Variants in ABCC9 observed in about 807,000 individuals in gnomAD.
ABCC9 encodes the protein ATP-binding cassette sub-family C member 9.
Under a neutral mutation model 188.3 loss-of-function variants are expected in ABCC9, and 95 were observed. The ratio of observed to expected loss-of-function variants is 0.50; its 90% CI spans 0.43 to 0.60. The LOEUF (loss-of-function observed/expected upper bound fraction) is 0.60. ABCC9 is among the 20% of genes least tolerant of loss of function. The pLI is 0.00. For synonymous variants in ABCC9, 659 were observed against 652.7 expected, an observed-to-expected ratio of 1.01 and a Z score of -0.15; for missense variants, 1,102 against 1,876.3, an observed-to-expected ratio of 0.59 and a Z score of 7.62.
In ABCC9 at chr12:21,871,598, C is replaced by T. The variant is rs576192764; in HGVS notation, c.2198+1027G>A. On this transcript the variant is annotated intron_variant, in intron 18 of 39. Transcript: ENST00000261200. ...TGTGTATGTAAACAGCAAACTCAGC[C>T]ACGGTGGAATTCATGATAGTAGATA... Among the ~76,000 whole-genome samples, 22 of 152,218 alleles carry T rather than the reference C, an allele frequency of 1.4e-4. No homozygotes were observed. The South Asian group carries it at 4.1e-3, about 29-fold the overall frequency.
intron 37 of ABCC9, among the ~76,000 whole-genome samples, chr12:21,808,792 A>G (rs10841895): frequency 0.15 from 22,317 of 150,644 alleles, 2,117 homozygotes; most frequent in Middle Eastern, 0.32. Context: ...AAAAAAAAAA[A>G]AAAAAAAGAA....
chr12:21,905,419 A>T (rs1286879942), intron 12 of ABCC9, among the ~76,000 whole-genome samples: 2 of 152,090 alleles, frequency 1.3e-5, no homozygotes, highest in Admixed American at 1.3e-4. Context: ...ATAATTAAAA[A>T]AAAAAAGAAT....
chr12:21,864,297 C>T (rs1366560446), intron 19 of ABCC9, 142 bp downstream of exon 19: 7 of 633,692 alleles, frequency 1.1e-5, no homozygotes, highest in Non-Finnish European at 1.6e-5. Context: ...GTCAAGGTTG[C>T]GAACCACTGC....
intron 12 of ABCC9, among the ~76,000 whole-genome samples, chr12:21,896,104 T>TTTTTTTTTTTTTTTTTTA (rs1947401923): frequency 4.6e-5 from 2 of 43,694 alleles, no homozygotes; most frequent in African/African-American, 6.4e-5. Context: ...TTTTTACTTT[T>TTTTTTTTTTTTTTTTTTA]CTTTTTTTTT....
At chr12:21,834,154 T>G (rs766974715) in intron 30 of ABCC9, among the ~76,000 whole-genome samples, 1 of 152,212 alleles carries the variant, frequency 6.6e-6, no homozygotes, top group South Asian at 2.1e-4. Context: ...TTCCTTTTTA[T>G]TCTTCTTTTA....
intron 30 of ABCC9, among the ~76,000 whole-genome samples, chr12:21,832,230 G>A (rs1449112017): frequency 2.0e-5 from 3 of 152,154 alleles, no homozygotes; most frequent in African/African-American, 4.8e-5. Flanking sequence ...TGATGCTTTC[G>A]TGGTAAACTA....
chr12:21,936,400 A>G, intron 3 of ABCC9, 133 bp downstream of exon 3: 1 of 811,794 alleles, frequency 1.2e-6, no homozygotes, highest in Non-Finnish European at 1.9e-6. Flanking sequence ...AAAACACAAA[A>G]TACTTGCTTG....
At chr12:21,832,675 C>T (rs1362477592) in intron 30 of ABCC9, among the ~76,000 whole-genome samples, 1 of 151,582 alleles carries the variant, frequency 6.6e-6, no homozygotes, top group Non-Finnish European at 1.5e-5. Context: ...CTGCTAGTGG[C>T]AATGTAAACC....
At position 21,844,515 on chromosome 12, in the gene ABCC9, G is replaced by A. The variant is rs752450127; in HGVS notation, c.3283C>T (p.Arg1095Cys). 19 of 1,613,602 alleles carry A rather than the reference G, an allele frequency of 1.2e-5. No individual in the cohort carries two copies. The highest frequency in any genetic ancestry group is 3.3e-5 in the Admixed American group (2 of 59,982). ...DTTPLGLILN[R>C]FSADTNIIDQ... ...ATGATATTAGTATCAGCTGAAAAGCGATTGAGAATCAGTCCCAGGGGTGTG... is the reference window on the plus strand; with the variant it reads ...ATGATATTAGTATCAGCTGAAAAGCAATTGAGAATCAGTCCCAGGGGTGTG... Residue 1095 changes from arginine to cysteine, a missense_variant, in exon 28 of 40, where the codon CGC (arginine) becomes TGC (cysteine). Transcript: ENST00000261200.
At chr12:21,814,849 G>C in intron 34 of ABCC9, 127 bp from the exon 35 acceptor site, 1 of 777,928 alleles carries the variant, frequency 1.3e-6, no homozygotes, top group South Asian at 1.6e-5. Context: ...TTACATTATA[G>C]TTATCATTTT....
At chr12:21,915,476 A>ATG (rs1565481329) in intron 7 of ABCC9, among the ~76,000 whole-genome samples, 192 bp downstream of exon 7, 109 of 8,146 alleles carry the variant, frequency 0.013, 3 homozygotes, top group Admixed American at 0.023. Context: ...GTGTGTGTAT[A>ATG]TATGTGTGTG....
At position 21,925,908 on chromosome 12, in the gene ABCC9, T is replaced by C. The variant is rs760284477; in HGVS notation, c.406+34A>G. 1.4e-5 allele frequency: 22 copies of C among 1,596,060 alleles called. No individual in the cohort carries two copies. In the Admixed American group the frequency reaches 2.5e-4, roughly 18 times the overall value. On this transcript the variant is annotated intron_variant, in intron 5 of 39. Transcript: ENST00000261200. ...CTTTGGGGGGAAAAACAAATATCTC[T>C]TTAAGGAGAAACAACAAAAGTGATC...
At chr12:21,825,726 G>A (rs1475367400) in intron 31 of ABCC9, among the ~76,000 whole-genome samples, 1 of 151,982 alleles carries the variant, frequency 6.6e-6, no homozygotes, top group Non-Finnish European at 1.5e-5. Context: ...AAACCACCAT[G>A]GCATGCGTAT....
intron 16 of ABCC9, among the ~76,000 whole-genome samples, chr12:21,881,563 G>A (rs896714922): frequency 2.6e-5 from 4 of 152,068 alleles, no homozygotes; most frequent in African/African-American, 9.7e-5. Context: ...AACTGGCCCT[G>A]TTTTTTATTC....
intron 7 of ABCC9, among the ~76,000 whole-genome samples, chr12:21,914,112 T>C (rs1330643463): frequency 4.6e-5 from 7 of 152,186 alleles, no homozygotes; most frequent in Admixed American, 3.9e-4. Context: ...TCATAACACA[T>C]ATTTCTGACA....
chr12:21,832,616 T>TAA (rs371263458), intron 30 of ABCC9, among the ~76,000 whole-genome samples: 1 of 138,682 alleles, frequency 7.2e-6, no homozygotes, highest in African/African-American at 2.6e-5. Context: ...AGTTTAAAAA[T>TAA]AAAAAAAAAA....
chr12:21,905,477 A>G (rs1004679438), intron 12 of ABCC9, among the ~76,000 whole-genome samples: 1 of 152,092 alleles, frequency 6.6e-6, no homozygotes, highest in African/African-American at 2.4e-5. Flanking sequence ...GAGTTACTAT[A>G]TTTTGTAAAT....
chr12:21,883,346 T>C (rs1445179399), intron 15 of ABCC9, among the ~76,000 whole-genome samples: 1 of 152,172 alleles, frequency 6.6e-6, no homozygotes, highest in Admixed American at 6.5e-5. Context: ...GTTGTTCTCG[T>C]GATAGTGACT....
rs147471516 is a variant in ABCC9 at position 21,892,610 on chromosome 12, G to T, written c.1802+1422C>A. On this transcript the variant is annotated intron_variant, in intron 14 of 39. Transcript: ENST00000261200. ...AAATGAGGGCAGATGTGGCCAGAAG[G>T]CTTGAGCTCTAGACACTAACAGCTC... is the stretch of plus-strand genomic sequence containing the variant. Among the ~76,000 whole-genome samples the T allele has an allele frequency of 2.5e-3, 377 of 152,302 alleles. 3 individuals are homozygous for T. The highest frequency in any genetic ancestry group is 8.6e-3 in the African/African-American group (356 of 41,554).
Sources: gnomAD v4.1 joint callset for allele counts (sites outside exome capture counted in the v4.1 genomes callset) on GRCh38, gnomAD v4.1.1 for gene constraint, MANE v1.5 for transcripts, NCBI Gene and HGNC (gene_info 2026-07-23, HGNC 2026-07-21) for gene names.